The following SFSWAP variants were observed in gnomAD, a reference collection of about 807,000 sequenced individuals.
SFSWAP encodes splicing factor SWAP.
SFSWAP carries 17 observed loss-of-function variants against 100.7 expected under a neutral mutation model. The observed-to-expected ratio is 0.17, with a 90% CI of 0.12 to 0.25. The LOEUF (loss-of-function observed/expected upper bound fraction) is 0.25, where lower values mean the gene tolerates loss of function less well. Among genes scored for constraint, SFSWAP ranks in the 10% least tolerant of loss-of-function variants. SFSWAP has a pLI of 1.00. For missense variants in SFSWAP, 1,005 were observed against 1,262.6 expected (o/e 0.80, Z 3.09); for synonymous variants, 504 against 510.1 (o/e 0.99, Z 0.16).
chr12:131,797,521 T>G (rs1238212968), intron 16 of SFSWAP, among the ~76,000 whole-genome samples, 161 bp downstream of exon 16: 3 of 152,236 alleles, frequency 2.0e-5, no homozygotes, highest in African/African-American at 7.2e-5. Flanking sequence ...GAAGTCGCCC[T>G]AGATGTGGCT....
Position 131,774,657 on chromosome 12 carries a change from C to T in SFSWAP, c.2143-3408C>T, listed in dbSNP as rs1024068480. Among the ~76,000 whole-genome samples the T allele has an allele frequency of 2.6e-5, 4 of 152,324 alleles. No individual in the cohort carries two copies. The East Asian group carries it at 5.8e-4, about 22-fold the overall frequency. ...TGTGTTTGGCATCAGTCCTTGTTCACTTTTAGCACTTGAAGCTGAAAAAAG... is the reference window on the plus strand; with the variant it reads ...TGTGTTTGGCATCAGTCCTTGTTCATTTTTAGCACTTGAAGCTGAAAAAAG... On this transcript the variant is annotated intron_variant, in intron 13 of 17. Coordinates refer to ENST00000261674, the MANE Select transcript of SFSWAP (RefSeq NM_004592.4).
intron 3 of SFSWAP, among the ~76,000 whole-genome samples, chr12:131,718,001 G>A (rs1399000647): frequency 2.0e-5 from 3 of 152,228 alleles, no homozygotes; most frequent in Non-Finnish European, 4.4e-5. Context: ...AAAGTGCTGG[G>A]ATTCCAGGCG....
intron 14 of SFSWAP, among the ~76,000 whole-genome samples, chr12:131,781,154 C>T (rs1277784488): frequency 6.6e-6 from 1 of 151,234 alleles, no homozygotes; most frequent in African/African-American, 2.4e-5. Context: ...ATTTTAGAAT[C>T]GATTTAGAGT....
intron 7 of SFSWAP, among the ~76,000 whole-genome samples, chr12:131,738,882 A>ATTTTTTTT (rs1555243205): frequency 5.0e-5 from 2 of 40,212 alleles, no homozygotes; most frequent in Non-Finnish European, 7.6e-5. Context: ...AATGAACATT[A>ATTTTTTTT]TTCTTTTTTT....
In SFSWAP at chr12:131,786,715, A is replaced by T. The variant is rs910959200; in HGVS notation, c.2534+127A>T. 2.0e-5 allele frequency: 19 copies of T among 944,866 alleles called. No individual in the cohort carries two copies. The African/African-American group carries it at 2.1e-4, about 11-fold the overall frequency. 58.5% of individuals were successfully genotyped at this position (944,866 alleles called of 1,614,324 possible). ...ACCAGAGGGAGGTGCTGAGTCCCCC[A>T]CCACCCCCCCACCCCCAGTGGCATG... On this transcript the variant is annotated intron_variant, in intron 15 of 17. Transcript: ENST00000261674.
chr12:131,787,168 A>G (rs1289083699), intron 15 of SFSWAP, among the ~76,000 whole-genome samples: 4 of 152,130 alleles, frequency 2.6e-5, no homozygotes, highest in Non-Finnish European at 5.9e-5. Context: ...ATCAAGTAGA[A>G]GCCCCAGCCG....
At chr12:131,731,055 C>T (rs567918232) in intron 7 of SFSWAP, among the ~76,000 whole-genome samples, 62 of 152,288 alleles carry the variant, frequency 4.1e-4, no homozygotes, top group African/African-American at 1.3e-3. Flanking sequence ...CACCACAGTC[C>T]CACCCATCTT....
intron 7 of SFSWAP, among the ~76,000 whole-genome samples, chr12:131,749,999 T>G (rs1032031018): frequency 3.3e-5 from 5 of 152,082 alleles, no homozygotes; most frequent in Non-Finnish European, 7.4e-5. Context: ...TGTGAGGCCG[T>G]GCAAAGGACA....
At chr12:131,743,182 T>C (rs1880815377) in intron 7 of SFSWAP, among the ~76,000 whole-genome samples, 1 of 152,098 alleles carries the variant, frequency 6.6e-6, no homozygotes, top group Admixed American at 6.5e-5. Context: ...CCCTCCCAAG[T>C]CTCACATCCT....
chr12:131,789,720 G>T (rs1885122509), intron 15 of SFSWAP, among the ~76,000 whole-genome samples: 1 of 151,908 alleles, frequency 6.6e-6, no homozygotes, highest in African/African-American at 2.4e-5. Context: ...AGAATTCCAG[G>T]CCAGCTCCAC....
intron 7 of SFSWAP, among the ~76,000 whole-genome samples, chr12:131,745,831 A>G (rs1304732629): frequency 6.6e-6 from 1 of 151,982 alleles, no homozygotes; most frequent in African/African-American, 2.4e-5. Flanking sequence ...CATGAAAACA[A>G]TTTATTCTGA....
intron 15 of SFSWAP, among the ~76,000 whole-genome samples, chr12:131,786,830 C>T (rs1331251571): frequency 2.0e-5 from 3 of 152,186 alleles, no homozygotes; most frequent in Admixed American, 6.5e-5. Flanking sequence ...GGCCTGGCTT[C>T]GTGTCCAGCT....
intron 16 of SFSWAP, among the ~76,000 whole-genome samples, chr12:131,798,315 T>C (rs538163210): frequency 6.6e-6 from 1 of 151,982 alleles, no homozygotes; most frequent in South Asian, 2.1e-4. Context: ...GAAAATGTAA[T>C]AATGATAAAA....
chr12:131,719,316 G>A (rs779468248), intron 3 of SFSWAP, 138 bp from the exon 4 acceptor site: 3 of 640,464 alleles, frequency 4.7e-6, no homozygotes, highest in South Asian at 1.8e-5. Context: ...AGAGAAAGCT[G>A]AAGATGGCTT....
rs1344911711 is a variant in SFSWAP, at chr12:131,714,611, G to A, written c.389-211G>A. ...CAGCAGGAAGAAATTTTCCACAAAA[G>A]ACGTGTATTCAGCTGTCTGTGGGTA... On this transcript the variant is annotated intron_variant, in intron 2 of 17. Coordinates refer to ENST00000261674, the MANE Select transcript of SFSWAP (RefSeq NM_004592.4). The surrounding 1 kb of genome is among the most constrained non-coding windows in gnomAD (Gnocchi z 6.0). The A allele has an allele frequency of 1.8e-6, 1 of 549,860 alleles. No homozygotes were observed. The highest frequency in any genetic ancestry group is 3.2e-6 in the Non-Finnish European group (1 of 313,764). The allele number at this position is 549,860 out of a possible 1,614,324, so 34.1% of individuals were successfully genotyped here.
Position 131,711,571 on chromosome 12 carries a change from C to G in SFSWAP, c.218+124C>G, listed in dbSNP as rs1175782671. 2.5e-6 allele frequency: 2 copies of G among 785,614 alleles called. No homozygotes were observed. The highest frequency in any genetic ancestry group is 1.7e-5 in the African/African-American group (1 of 58,866). 48.7% of individuals were successfully genotyped at this position (785,614 alleles called of 1,614,324 possible). A position where few individuals can be genotyped will look rare whatever the true frequency, so the allele number is the denominator to read the frequency against. The stretch of plus-strand genomic sequence containing the variant: ...AGCCAGCGGGGATCTGGGGGACACC[C>G]CCTCCCCTGTCCCCACCTCCTCCTG... On this transcript the variant is annotated intron_variant, in intron 1 of 17. Transcript: ENST00000261674. This position sits in a 1 kb window ranked among gnomAD's most constrained non-coding sequence, Gnocchi z 4.9.
rs752509494 is a variant in SFSWAP at position 131,730,139 on chromosome 12, C to A, written c.1081+1711C>A. ...GAGGTGCTCTGTAGATCACTCCTAA[C>A]GCCCAGTCCTCACTGCATGGATTTT... On this transcript the variant is annotated intron_variant, in intron 7 of 17. Coordinates refer to ENST00000261674, the MANE Select transcript of SFSWAP (RefSeq NM_004592.4). The surrounding 1 kb of genome is among the most constrained non-coding windows in gnomAD (Gnocchi z 4.0). Among the ~76,000 whole-genome samples the A allele has an allele frequency of 6.6e-6, 1 of 152,206 alleles. No individual in the cohort carries two copies. Among genetic ancestry groups the A allele is most frequent in the Non-Finnish European group, 1.5e-5 (1 of 68,040 alleles).
intron 11 of SFSWAP, chr12:131,757,912 G>A (rs556094261): frequency 7.9e-5 from 12 of 152,238 alleles, no homozygotes; most frequent in Non-Finnish European, 1.6e-4. Context: ...AACCCGGGGA[G>A]AGGTACTGTC....
chr12:131,769,050 C>T lies in SFSWAP; in HGVS notation c.2142+2742C>T, dbSNP rs575679615. 8.6e-5 allele frequency among the ~76,000 whole-genome samples: 13 copies of T among 152,032 alleles called. No individual in the cohort carries two copies. The South Asian group carries it at 2.1e-3, about 24-fold the overall frequency. ...GCTGAGGCAGGAGAATCTCTTGAAC[C>T]TGGCAGGCAGAGGTTGCAGTGAGCC... On this transcript the variant is annotated intron_variant, in intron 13 of 17. Coordinates refer to ENST00000261674, the MANE Select transcript of SFSWAP (RefSeq NM_004592.4).
Sources: gnomAD v4.1 joint callset for allele counts (sites outside exome capture counted in the v4.1 genomes callset) on GRCh38, gnomAD v4.1.1 for gene constraint, Gnocchi (gnomAD v3.1) non-coding constraint, MANE v1.5 for transcripts, NCBI Gene and HGNC (gene_info 2026-07-23, HGNC 2026-07-21) for gene names.